The following PRKN variants were observed in gnomAD, a reference collection of about 807,000 sequenced individuals.
PRKN encodes the protein parkin RBR E3 ubiquitin protein ligase, also known as E3 ubiquitin-protein ligase parkin.
Under a neutral mutation model 59.5 loss-of-function variants are expected in PRKN, and 56 were observed. That is an observed-to-expected ratio of 0.94 (90% CI 0.76 to 1.18). The LOEUF (loss-of-function observed/expected upper bound fraction) is 1.18, where lower values mean the gene tolerates loss of function less well. PRKN is among the 50% of genes most tolerant of loss of function. The pLI is 0.00. For missense variants in PRKN, 657 were observed against 596.4 expected (o/e 1.10, Z -1.06); for synonymous variants, 250 against 222.1 (o/e 1.13, Z -1.12).
intron 5 of PRKN, among the ~76,000 whole-genome samples, chr6:162,047,543 A>G (rs975110178): frequency 1.3e-5 from 2 of 151,912 alleles, no homozygotes; most frequent in African/African-American, 2.4e-5. Context: ...ATTAGACACC[A>G]GAAAAAAAAA....
chr6:162,515,255 G>C (rs1200564800), intron 1 of PRKN, among the ~76,000 whole-genome samples: 9 of 151,912 alleles, frequency 5.9e-5, no homozygotes. Context: ...GCTAATTTTT[G>C]TATTTTTAGT....
intron 7 of PRKN, among the ~76,000 whole-genome samples, chr6:161,686,293 C>T (rs1583004404): frequency 6.6e-6 from 1 of 152,000 alleles, no homozygotes; most frequent in African/African-American, 2.4e-5. Flanking sequence ...ACTTTCATAG[C>T]TCTCCAGGTG....
intron 1 of PRKN, among the ~76,000 whole-genome samples, chr6:162,556,698 G>A (rs1478663624): frequency 1.5e-5 from 2 of 135,544 alleles, no homozygotes; most frequent in African/African-American, 5.5e-5. Flanking sequence ...TGTGAGCCGA[G>A]ATTGCACCAC....
chr6:162,262,415 A>G, intron 3 of PRKN, 110 bp downstream of exon 3: 2 of 1,347,724 alleles, frequency 1.5e-6, no homozygotes, highest in African/African-American at 2.9e-5. Context: ...AGAGACTCCA[A>G]TCCAAAACGT....
intron 9 of PRKN, among the ~76,000 whole-genome samples, chr6:161,501,653 C>T (rs1243120213): frequency 6.6e-6 from 1 of 152,112 alleles, no homozygotes; most frequent in African/African-American, 2.4e-5. Context: ...GGTTGTTTGA[C>T]TTGTCTGCCA....
chr6:162,487,291 T>C (rs1433422560), intron 1 of PRKN, among the ~76,000 whole-genome samples: 1 of 152,146 alleles, frequency 6.6e-6, no homozygotes, highest in East Asian at 1.9e-4. Context: ...CTCTGCGTTT[T>C]CATTCTCTAA....
intron 1 of PRKN, among the ~76,000 whole-genome samples, chr6:162,482,824 T>G (rs911161834): frequency 1.3e-5 from 2 of 152,170 alleles, no homozygotes; most frequent in Non-Finnish European, 2.9e-5. Flanking sequence ...TTAGAGATCA[T>G]CTTGTCCAAT....
In PRKN at chr6:162,149,746, C is replaced by T. The variant is rs60181263; in HGVS notation, c.534+51385G>A. Among the ~76,000 whole-genome samples, 44 of 152,144 alleles carry T rather than the reference C, an allele frequency of 2.9e-4. 1 individual carries two copies. The South Asian group carries it at 4.8e-3, about 17-fold the overall frequency. On this transcript the variant is annotated intron_variant, in intron 4 of 11. Transcript: ENST00000366898. Reference sequence around the variant, plus strand: ...TAACCCGATCCTTGGGCTAGGAATGCGCAACTGTCTAGTGCCATGGTGAGG... The same window carrying T: ...TAACCCGATCCTTGGGCTAGGAATGTGCAACTGTCTAGTGCCATGGTGAGG...
intron 7 of PRKN, among the ~76,000 whole-genome samples, chr6:161,595,156 T>C (rs1430535916): frequency 6.6e-6 from 1 of 152,240 alleles, no homozygotes; most frequent in East Asian, 1.9e-4. Context: ...GTTTCTATTG[T>C]GTGTCAGATA....
At chr6:162,230,527 C>T (rs1412105365) in intron 3 of PRKN, among the ~76,000 whole-genome samples, 2 of 152,202 alleles carry the variant, frequency 1.3e-5, no homozygotes, top group Non-Finnish European at 2.9e-5. Context: ...GCTCTGATCA[C>T]AATTTGAATA....
rs1784812542 is a variant in PRKN at position 161,357,619 on chromosome 6, C to T, written c.1285+2469G>A. 6.6e-6 allele frequency among the ~76,000 whole-genome samples: 1 copy of T among 152,210 alleles called. No homozygotes were observed. The highest frequency in any genetic ancestry group is 1.5e-5 in the Non-Finnish European group (1 of 68,046). On this transcript the variant is annotated intron_variant, in intron 11 of 11. Coordinates refer to ENST00000366898, the MANE Select transcript of PRKN (RefSeq NM_004562.3). This position sits in a 1 kb window ranked among gnomAD's most constrained non-coding sequence, Gnocchi z 5.5. ...AAAGCATAAAAAGAAATAAAGTCCT[C>T]TTTGGTCCTGTTATGCCTAGAGCTA... is the stretch of plus-strand genomic sequence containing the variant.
At chr6:162,262,080 C>T (rs954821335) in intron 3 of PRKN, among the ~76,000 whole-genome samples, 10 of 152,128 alleles carry the variant, frequency 6.6e-5, no homozygotes, top group Non-Finnish European at 1.0e-4. Context: ...CTAAGAGGCA[C>T]ATATTAATTT....
intron 3 of PRKN, among the ~76,000 whole-genome samples, chr6:162,223,354 G>C (rs941054689): frequency 6.6e-6 from 1 of 151,880 alleles, no homozygotes; most frequent in African/African-American, 2.4e-5. Context: ...TGACACTCTT[G>C]GCATGTAGCT....
At chr6:162,636,751 G>A (rs890691559) in intron 1 of PRKN, among the ~76,000 whole-genome samples, 1 of 152,176 alleles carries the variant, frequency 6.6e-6, no homozygotes, top group African/African-American at 2.4e-5. Context: ...TTGGGAGGCG[G>A]AGGCAGAAGG....
At chr6:161,970,842 C>G (rs993023137) in intron 6 of PRKN, among the ~76,000 whole-genome samples, 1 of 152,132 alleles carries the variant, frequency 6.6e-6, no homozygotes, top group Non-Finnish European at 1.5e-5. Flanking sequence ...CTGGCCACTT[C>G]TAATGCTTTT....
At chr6:162,604,241 A>G (rs1781818103) in intron 1 of PRKN, among the ~76,000 whole-genome samples, 1 of 152,146 alleles carries the variant, frequency 6.6e-6, no homozygotes, top group African/African-American at 2.4e-5. Flanking sequence ...TCCACCTCAA[A>G]AAGAATCACT....
At chr6:162,051,195 A>G (rs1173565316) in intron 5 of PRKN, among the ~76,000 whole-genome samples, 2 of 152,110 alleles carry the variant, frequency 1.3e-5, no homozygotes, top group Admixed American at 1.3e-4. Context: ...CACACTGCAG[A>G]AGGGATTTGT....
chr6:161,747,852 G>A (rs1176773627), intron 7 of PRKN, among the ~76,000 whole-genome samples: 3 of 152,214 alleles, frequency 2.0e-5, no homozygotes, highest in East Asian at 1.9e-4. Flanking sequence ...CTATGAGCAC[G>A]TAGTTAACAA....
intron 7 of PRKN, among the ~76,000 whole-genome samples, chr6:161,734,941 C>G (rs1787902023): frequency 6.6e-6 from 1 of 151,202 alleles, no homozygotes; most frequent in Non-Finnish European, 1.5e-5. Flanking sequence ...TAATTAAACA[C>G]ATGCTTACAA....
Sources: allele counts gnomAD v4.1 joint callset (sites outside exome capture counted in the v4.1 genomes callset), GRCh38; gene constraint gnomAD v4.1.1; non-coding constraint Gnocchi (gnomAD v3.1); transcripts MANE v1.5; gene names NCBI Gene and HGNC (gene_info 2026-07-23, HGNC 2026-07-21).